Variants in APLP2 observed in about 807,000 individuals in gnomAD.
APLP2 encodes the protein amyloid beta precursor like protein 2, also known as CDEI box-binding protein.
APLP2 carries 53 observed loss-of-function variants against 89.9 expected under a neutral mutation model. The ratio of observed to expected loss-of-function variants is 0.59; its 90% confidence interval spans 0.47 to 0.74. The LOEUF is 0.74. Ranked by LOEUF, APLP2 falls within the 30% of genes least tolerant of loss-of-function variation. APLP2 has a pLI of 0.00. For missense variants in APLP2, 973 were observed against 975.9 expected, an observed-to-expected ratio of 1.00 and a Z score of 0.04; for synonymous variants, 372 against 348.6, an observed-to-expected ratio of 1.07 and a Z score of -0.75.
At chr11:130,138,274 C>G (rs978740825) in intron 13 of APLP2, among the ~76,000 whole-genome samples, 7 of 152,208 alleles carry the variant, frequency 4.6e-5, no homozygotes, top group African/African-American at 1.7e-4. Context: ...AGGTTATTCT[C>G]AGAACACAAA....
intron 1 of APLP2, among the ~76,000 whole-genome samples, chr11:130,089,729 A>AC (rs1944628888): frequency 1.3e-5 from 2 of 152,114 alleles, no homozygotes; most frequent in South Asian, 4.2e-4. Flanking sequence ...GCAGGACTGG[A>AC]CTCCTTCTGA....
chr11:130,143,649 AT>A lies in APLP2; in HGVS notation c.*202del. 1.9e-6 allele frequency: 1 copy of A among 534,630 alleles called. No individual in the cohort carries two copies. Among genetic ancestry groups the A allele is most frequent in the Admixed American group, 3.2e-5 (1 of 31,240 alleles). 33.1% of individuals were successfully genotyped at this position (534,630 alleles called of 1,614,324 possible). A position where few individuals can be genotyped will look rare whatever the true frequency, so the allele number is the denominator to read the frequency against. ...ATGGGTGAAAAATGGTAATATAACA[AT>A]ATATGATATATAAACCTTAAATGAA... is the stretch of plus-strand genomic sequence containing the variant. On this transcript the variant is annotated 3_prime_UTR_variant, in exon 17 of 17. Coordinates refer to ENST00000338167, the MANE Select transcript of APLP2 (RefSeq NM_001142276.2).
chr11:130,121,358 T>C (rs896501170), intron 4 of APLP2, among the ~76,000 whole-genome samples: 1 of 152,228 alleles, frequency 6.6e-6, no homozygotes, highest in Non-Finnish European at 1.5e-5. Context: ...AAAAAAATGC[T>C]CTCTTCCTGA....
chr11:130,071,729 T>C (rs567838257), intron 1 of APLP2, among the ~76,000 whole-genome samples: 1 of 152,376 alleles, frequency 6.6e-6, no homozygotes, highest in Non-Finnish European at 1.5e-5. Context: ...ATTTGATTGT[T>C]AGCCACAGCG....
intron 13 of APLP2, chr11:130,139,353 G>A (rs538105798): frequency 7.2e-5 from 11 of 152,342 alleles, no homozygotes; most frequent in African/African-American, 2.6e-4. Context: ...AGGGACAGCA[G>A]TGCTTTGCAT....
At chr11:130,078,622 T>C (rs981245768) in intron 1 of APLP2, among the ~76,000 whole-genome samples, 1 of 152,164 alleles carries the variant, frequency 6.6e-6, no homozygotes, top group Admixed American at 6.5e-5. Flanking sequence ...GGAGCTATAA[T>C]TTATCTGGAT....
At position 130,123,937 on chromosome 11, in the gene APLP2, C is replaced by G. The variant is rs1294166281; in HGVS notation, c.1090+158C>G. On this transcript the variant is annotated intron_variant, in intron 7 of 16. Coordinates refer to ENST00000338167, the MANE Select transcript of APLP2 (RefSeq NM_001142276.2). This position sits in a 1 kb window ranked among gnomAD's most constrained non-coding sequence, Gnocchi z 4.0. Reference sequence around the variant, plus strand: ...CATCTTTGTGCTTTCTAGATCTAGGCTTTGCTCTCCTGCCGGCAGTGGTAA... The same window carrying G: ...CATCTTTGTGCTTTCTAGATCTAGGGTTTGCTCTCCTGCCGGCAGTGGTAA... 6.6e-6 allele frequency among the ~76,000 whole-genome samples: 1 copy of G among 152,178 alleles called. No homozygotes were observed. Among genetic ancestry groups the G allele is most frequent in the African/African-American group, 2.4e-5 (1 of 41,456 alleles).
intron 1 of APLP2, among the ~76,000 whole-genome samples, chr11:130,106,569 T>C (rs567707046): frequency 6.6e-6 from 1 of 152,328 alleles, no homozygotes; most frequent in South Asian, 2.1e-4. Flanking sequence ...GGCATGCCTC[T>C]CCCACCATCT....
chr11:130,079,487 G>T (rs1430424751), intron 1 of APLP2, among the ~76,000 whole-genome samples: 2 of 152,254 alleles, frequency 1.3e-5, no homozygotes, highest in East Asian at 3.9e-4. Context: ...TCTTTTGTTA[G>T]ATTTATTCAT....
chr11:130,093,104 C>G (rs2135571359), intron 1 of APLP2, among the ~76,000 whole-genome samples: 1 of 152,274 alleles, frequency 6.6e-6, no homozygotes, highest in Admixed American at 6.5e-5. Context: ...AGGTGAGGGA[C>G]TGAGCAGTGA....
intron 3 of APLP2, among the ~76,000 whole-genome samples, chr11:130,119,414 T>C (rs549232092): frequency 1.3e-5 from 2 of 152,344 alleles, no homozygotes; most frequent in South Asian, 2.1e-4. Flanking sequence ...TAACTTTTTA[T>C]TGTGGCAAAT....
At chr11:130,090,052 TGTAAA>T (rs1396984745) in intron 1 of APLP2, among the ~76,000 whole-genome samples, 5 of 152,300 alleles carry the variant, frequency 3.3e-5, no homozygotes, top group African/African-American at 9.6e-5. Flanking sequence ...CTGACATAAC[TGTAAA>T]GTAATCAAGT....
intron 1 of APLP2, among the ~76,000 whole-genome samples, chr11:130,091,200 G>A (rs1945034727): frequency 7.5e-6 from 1 of 134,028 alleles, no homozygotes. Context: ...CGGACGGGGC[G>A]GCTGGCCGGG....
chr11:130,113,889 C>T (rs1221367907), intron 3 of APLP2, among the ~76,000 whole-genome samples: 1 of 152,180 alleles, frequency 6.6e-6, no homozygotes, highest in East Asian at 1.9e-4. Flanking sequence ...GATTTTCCAA[C>T]TGTTAACATT....
chr11:130,128,640 A>G (rs1950620202), intron 9 of APLP2, among the ~76,000 whole-genome samples: 1 of 152,220 alleles, frequency 6.6e-6, no homozygotes. Context: ...AATGACAGGA[A>G]TACTTCAACA....
At chr11:130,136,169 G>A (rs746392156) in intron 13 of APLP2, among the ~76,000 whole-genome samples, 36 of 152,120 alleles carry the variant, frequency 2.4e-4, no homozygotes, top group Non-Finnish European at 4.1e-4. Context: ...CTAGGCAGAC[G>A]TTCTTTCCTC....
rs538550423 is a variant in APLP2 at position 130,105,330 on chromosome 11, G to GGCTTGA, written c.106-4096_106-4091dup. Among the ~76,000 whole-genome samples the GGCTTGA allele has an allele frequency of 5.3e-5, 8 of 152,274 alleles. No individual in the cohort carries two copies. In the East Asian group the frequency reaches 1.5e-3, roughly 29 times the overall value. On this transcript the variant is annotated intron_variant, in intron 1 of 16. Coordinates refer to ENST00000338167, the MANE Select transcript of APLP2 (RefSeq NM_001142276.2). ...ACTCAGGAGATTAAGGCTGGAGGAT[G>GGCTTGA]GCTTGAGCCCAGGGGGTCGAGACTG...
At chr11:130,114,233 T>C (rs1157335461) in intron 3 of APLP2, 1 of 152,244 alleles carries the variant, frequency 6.6e-6, no homozygotes, top group East Asian at 1.9e-4. Flanking sequence ...TGATTTTTTT[T>C]TTTTTAACTA....
At chr11:130,074,653 A>G (rs1941783109) in intron 1 of APLP2, among the ~76,000 whole-genome samples, 1 of 152,228 alleles carries the variant, frequency 6.6e-6, no homozygotes, top group Non-Finnish European at 1.5e-5. Context: ...AACCAATAAG[A>G]AGTGAAAAAT....
Sources: gnomAD v4.1 joint callset for allele counts (sites outside exome capture counted in the v4.1 genomes callset) on GRCh38, gnomAD v4.1.1 for gene constraint, Gnocchi (gnomAD v3.1) non-coding constraint, MANE v1.5 for transcripts, NCBI Gene and HGNC (gene_info 2026-07-23, HGNC 2026-07-21) for gene names.